ATP10D: variants seen among roughly 807,000 people sequenced by gnomAD.
ATP10D encodes ATPase phospholipid transporting 10D (putative).
A neutral mutation model predicts 144.8 loss-of-function variants in ATP10D; 89 were observed. The ratio of observed to expected loss-of-function variants is 0.61; its 90% CI spans 0.52 to 0.73. ATP10D has a LOEUF of 0.73. Among genes scored for constraint, ATP10D ranks in the 30% least tolerant of loss-of-function variants. The pLI, the probability that ATP10D is intolerant of heterozygous loss-of-function variation, is 0.00. For synonymous variants in ATP10D, 571 were observed against 615.1 expected, an observed-to-expected ratio of 0.93 and a Z score of 1.06; for missense variants, 1,603 against 1,714.8, an observed-to-expected ratio of 0.93 and a Z score of 1.15.
In ATP10D at chr4:47,588,474, A is replaced by G. The variant is rs955847677; in HGVS notation, c.3941+1268A>G. On this transcript the variant is annotated intron_variant, in intron 22 of 22. Coordinates refer to ENST00000273859, the MANE Select transcript of ATP10D (RefSeq NM_020453.4). ...AGAATATAGCCATACTCACTTATAT[A>G]TGATCTATGGCTGCTTATGCAATAC... Among the ~76,000 whole-genome samples the G allele has an allele frequency of 2.6e-5, 4 of 152,230 alleles. No homozygotes were observed. The East Asian group carries it at 5.8e-4, about 22-fold the overall frequency.
chr4:47,549,424 G>A (rs142254440), intron 10 of ATP10D, among the ~76,000 whole-genome samples: 1 of 152,332 alleles, frequency 6.6e-6, no homozygotes, highest in Admixed American at 6.5e-5. Flanking sequence ...CCCCCAGGTA[G>A]AATGTGAGTT....
Position 47,568,863 on chromosome 4 carries a change from A to C in ATP10D, c.2880A>C (p.Thr960=). 6 of 1,614,098 alleles carry C rather than the reference A, an allele frequency of 3.7e-6. No individual in the cohort carries two copies. Among genetic ancestry groups the C allele is most frequent in the Non-Finnish European group, 5.1e-6 (6 of 1,179,994 alleles). ...SKDACGMLMS[T]ILKELQKKTQ... ...ATGCCTGTGGGATGCTGATGAGCAC[A>C]ATTTTGAAAGAACTTCAGAAGAAAA... Residue 960 remains threonine (T), a synonymous_variant, in exon 16 of 23, where the codon ACA becomes ACC. Coordinates refer to ENST00000273859, the MANE Select transcript of ATP10D (RefSeq NM_020453.4).
chr4:47,587,277 T>A, intron 22 of ATP10D, 71 bp downstream of exon 22: 2 of 1,388,284 alleles, frequency 1.4e-6, no homozygotes, highest in Non-Finnish European at 2.0e-6. Context: ...GCAACTACAC[T>A]ACTACGAATG....
intron 3 of ATP10D, among the ~76,000 whole-genome samples, chr4:47,520,105 T>G (rs551916520): frequency 6.6e-6 from 1 of 152,216 alleles, no homozygotes; most frequent in East Asian, 1.9e-4. Context: ...ATGTTACTTC[T>G]TATATTTGCA....
At chr4:47,559,738 A>G (rs1220372957) in intron 13 of ATP10D, among the ~76,000 whole-genome samples, 1 of 152,190 alleles carries the variant, frequency 6.6e-6, no homozygotes, top group South Asian at 2.1e-4. Context: ...GGCTGGGCAC[A>G]GTAGCTCACG....
At chr4:47,579,973 G>A (rs1720426422) in intron 19 of ATP10D, among the ~76,000 whole-genome samples, 1 of 152,196 alleles carries the variant, frequency 6.6e-6, no homozygotes, top group Non-Finnish European at 1.5e-5. Flanking sequence ...AATAGGGGAG[G>A]AAGCAAAGAG....
At chr4:47,533,356 G>A (rs1225817494) in intron 5 of ATP10D, among the ~76,000 whole-genome samples, 1 of 152,100 alleles carries the variant, frequency 6.6e-6, no homozygotes, top group East Asian at 1.9e-4. Context: ...CCATCTCTTC[G>A]TACACAGGCC....
rs566894819 is a variant in ATP10D at position 47,575,984 on chromosome 4, T to G, written c.3367-789T>G. ...TCTCGCTCTGTCGCCCAGGCTGGAGTGCAGTGGCGCGATCTCGGCTCACTG... is the reference window on the plus strand; with the variant it reads ...TCTCGCTCTGTCGCCCAGGCTGGAGGGCAGTGGCGCGATCTCGGCTCACTG... On this transcript the variant is annotated intron_variant, in intron 18 of 22. Coordinates refer to ENST00000273859, the MANE Select transcript of ATP10D (RefSeq NM_020453.4). Among the ~76,000 whole-genome samples the G allele has an allele frequency of 3.2e-3, 418 of 130,090 alleles. 3 individuals are homozygous for G. The highest frequency in any genetic ancestry group is 0.02 in the South Asian group (78 of 3,884). 85.3% of individuals were successfully genotyped at this position (130,090 alleles called of 152,430 possible).
intron 17 of ATP10D, 83 bp downstream of exon 17, chr4:47,572,313 G>A: frequency 1.6e-6 from 2 of 1,238,858 alleles, no homozygotes; most frequent in South Asian, 1.2e-5. Flanking sequence ...ATTCTCTGTG[G>A]CAGAGTGAGG....
intron 1 of ATP10D, among the ~76,000 whole-genome samples, chr4:47,502,920 A>G (rs1159662706): frequency 6.6e-6 from 1 of 152,070 alleles, no homozygotes; most frequent in Non-Finnish European, 1.5e-5. Context: ...AAAACATGTC[A>G]CTCAGGTGCA....
intron 18 of ATP10D, among the ~76,000 whole-genome samples, chr4:47,574,614 C>T (rs1346887775): frequency 2.0e-5 from 3 of 152,202 alleles, no homozygotes; most frequent in East Asian, 1.9e-4. Context: ...TGGCCAGGTG[C>T]GGTGGCTCAC....
chr4:47,540,186 T>C (rs1246960641), intron 9 of ATP10D, among the ~76,000 whole-genome samples: 6 of 152,202 alleles, frequency 3.9e-5, no homozygotes, highest in Non-Finnish European at 7.4e-5. Context: ...TGAAAACTAT[T>C]TTAACAGTGT....
At chr4:47,537,539 A>G (rs1357078697) in intron 9 of ATP10D, among the ~76,000 whole-genome samples, 1 of 152,182 alleles carries the variant, frequency 6.6e-6, no homozygotes, top group Non-Finnish European at 1.5e-5. Flanking sequence ...CCCAAGGTTA[A>G]CCACCATTAA....
chr4:47,504,023 CCTA>C (rs1233837257), intron 1 of ATP10D, among the ~76,000 whole-genome samples: 1 of 152,118 alleles, frequency 6.6e-6, no homozygotes, highest in Admixed American at 6.5e-5. Flanking sequence ...AATATGTACT[CCTA>C]CTGGGGATTT....
intron 1 of ATP10D, among the ~76,000 whole-genome samples, chr4:47,506,503 A>G (rs1409123247): frequency 2.6e-5 from 4 of 152,220 alleles, no homozygotes; most frequent in African/African-American, 4.8e-5. Flanking sequence ...GAAATATTGG[A>G]TGGGAAAATT....
At chr4:47,508,920 A>G (rs893518623) in intron 1 of ATP10D, among the ~76,000 whole-genome samples, 1 of 152,188 alleles carries the variant, frequency 6.6e-6, no homozygotes, top group African/African-American at 2.4e-5. Context: ...AAGCCTTAAG[A>G]TATTATGATT....
At chr4:47,489,791 A>G (rs2109378283) in intron 1 of ATP10D, among the ~76,000 whole-genome samples, 1 of 152,304 alleles carries the variant, frequency 6.6e-6, no homozygotes, top group East Asian at 1.9e-4. Context: ...TATTTTCTAA[A>G]ATAATAAGCA....
At chr4:47,510,189 G>A (rs1176210282) in intron 1 of ATP10D, among the ~76,000 whole-genome samples, 1 of 151,994 alleles carries the variant, frequency 6.6e-6, no homozygotes, top group East Asian at 1.9e-4. Flanking sequence ...TCATTTCAAA[G>A]CACTTCTCTG....
intron 13 of ATP10D, among the ~76,000 whole-genome samples, chr4:47,560,475 G>A (rs1379449588): frequency 3.9e-5 from 6 of 152,114 alleles, no homozygotes; most frequent in Non-Finnish European, 5.9e-5. Flanking sequence ...GGGCCAGAGC[G>A]AGACTCTGTC....
Sources: gnomAD v4.1 joint callset for allele counts (sites outside exome capture counted in the v4.1 genomes callset) on GRCh38, gnomAD v4.1.1 for gene constraint, MANE v1.5 for transcripts, NCBI Gene and HGNC (gene_info 2026-07-23, HGNC 2026-07-21) for gene names.